ANO6: variants seen among roughly 807,000 people sequenced by gnomAD.
The protein encoded by ANO6 is anoctamin-6.
A neutral mutation model predicts 117.5 loss-of-function variants in ANO6; 106 were observed. The observed-to-expected ratio is 0.90, with a 90% CI of 0.77 to 1.06. The LOEUF (loss-of-function observed/expected upper bound fraction) is 1.06. Ranked by LOEUF, ANO6 falls within the 50% of genes least tolerant of loss-of-function variation. The pLI is 0.00. For missense variants in ANO6, 955 were observed against 1,121.1 expected, an observed-to-expected ratio of 0.85 and a Z score of 2.12; for synonymous variants, 367 against 385.1, an observed-to-expected ratio of 0.95 and a Z score of 0.55.
chr12:45,348,644 G>T lies in ANO6; in HGVS notation c.747+13G>T. The T allele has an allele frequency of 6.2e-7, 1 of 1,600,576 alleles. No homozygotes were observed. ...CCCACTCCATGATGTAAGTTAAAAG[G>T]CAAAAATGAACTAAAAGGCCTTCTG... On this transcript the variant is annotated intron_variant, in intron 6 of 19. Coordinates refer to ENST00000320560, the MANE Select transcript of ANO6 (RefSeq NM_001025356.3).
chr12:45,243,173 G>A (rs963087127), intron 1 of ANO6, among the ~76,000 whole-genome samples: 10 of 152,090 alleles, frequency 6.6e-5, no homozygotes, highest in African/African-American at 2.4e-4. Flanking sequence ...AAATAAATTA[G>A]CCAGGTGTGG....
chr12:45,408,511 C>A (rs549085570), intron 15 of ANO6, among the ~76,000 whole-genome samples: 1 of 152,192 alleles, frequency 6.6e-6, no homozygotes, highest in African/African-American at 2.4e-5. Flanking sequence ...CTCAGCGGGG[C>A]AGTATCCACG....
At chr12:45,375,668 C>G (rs916149497) in intron 9 of ANO6, among the ~76,000 whole-genome samples, 1 of 151,736 alleles carries the variant, frequency 6.6e-6, no homozygotes, top group African/African-American at 2.4e-5. Flanking sequence ...AAAGCTGAAA[C>G]TGGATCCCTT....
intron 2 of ANO6, among the ~76,000 whole-genome samples, chr12:45,329,016 C>T (rs544471307): frequency 6.6e-6 from 1 of 152,280 alleles, no homozygotes; most frequent in East Asian, 1.9e-4. Context: ...TAAATGACAA[C>T]CGTGTCAGGG....
rs1177736797 is a variant in ANO6, at chr12:45,216,207, C to A, written c.-115C>A. On this transcript the variant is annotated 5_prime_UTR_variant, in exon 1 of 20. Transcript: ENST00000320560. ...CTGGCTGGGCTCAGCGGCCCCTGAG[C>A]CCAAGCGACACACGCCCCGCGGTCC... 6 of 1,256,266 alleles carry A rather than the reference C, an allele frequency of 4.8e-6. No homozygotes were observed. Among genetic ancestry groups the A allele is most frequent in the Non-Finnish European group, 6.8e-6 (6 of 884,806 alleles). The allele number at this position is 1,256,266 out of a possible 1,614,324, so 77.8% of individuals were successfully genotyped here.
intron 1 of ANO6, among the ~76,000 whole-genome samples, chr12:45,299,454 A>G (rs1939408181): frequency 6.6e-6 from 1 of 152,198 alleles, no homozygotes; most frequent in Non-Finnish European, 1.5e-5. Flanking sequence ...TTTTCAGAAG[A>G]GTTAGAATCA....
At chr12:45,403,266 T>A in intron 14 of ANO6, 25 bp downstream of exon 14, 1 of 1,610,540 alleles carries the variant, frequency 6.2e-7, no homozygotes, top group Non-Finnish European at 8.5e-7. Flanking sequence ...TTGTATTATC[T>A]TGCCAGTTTA....
intron 15 of ANO6, 50 bp downstream of exon 15, chr12:45,403,586 GC>G (rs761499340): frequency 8.8e-6 from 13 of 1,473,070 alleles, no homozygotes; most frequent in Admixed American, 1.7e-5. Flanking sequence ...GGATAGAACA[GC>G]CCATCCACAC....
chr12:45,232,952 A>G (rs1315126295), intron 1 of ANO6, among the ~76,000 whole-genome samples: 2 of 152,188 alleles, frequency 1.3e-5, no homozygotes, highest in Non-Finnish European at 2.9e-5. Flanking sequence ...AGGAAGAAAG[A>G]GAGGGAGCAG....
chr12:45,341,958 G>T (rs150455668), intron 3 of ANO6, among the ~76,000 whole-genome samples: 1 of 152,090 alleles, frequency 6.6e-6, no homozygotes, highest in Non-Finnish European at 1.5e-5. Flanking sequence ...GCATCATGCC[G>T]AGTGCTTTAT....
At chr12:45,377,883 A>ATAAG (rs1400495926) in intron 9 of ANO6, among the ~76,000 whole-genome samples, 170 bp from the exon 10 acceptor site, 2 of 152,224 alleles carry the variant, frequency 1.3e-5, no homozygotes, top group African/African-American at 4.8e-5. Context: ...AATTTCATCT[A>ATAAG]TAAGTATGTA....
chr12:45,287,904 T>C (rs1384954895), intron 1 of ANO6, among the ~76,000 whole-genome samples: 1 of 152,216 alleles, frequency 6.6e-6, no homozygotes, highest in Non-Finnish European at 1.5e-5. Context: ...TAACCCCATA[T>C]AAGTCTTAGA....
intron 2 of ANO6, among the ~76,000 whole-genome samples, chr12:45,323,933 G>GTTTTTTTTT (rs1940370873): frequency 9.4e-6 from 1 of 106,528 alleles, no homozygotes; most frequent in Admixed American, 1.1e-4. Context: ...TGTTGTTGTT[G>GTTTTTTTTT]TATTTTTTTT....
chr12:45,220,944 C>G (rs778100404), intron 1 of ANO6, among the ~76,000 whole-genome samples: 1 of 152,128 alleles, frequency 6.6e-6, no homozygotes, highest in Admixed American at 6.5e-5. Flanking sequence ...AAATTCTGTG[C>G]GCTGCCCTGG....
At chr12:45,372,614 C>A (rs1941878018) in intron 9 of ANO6, among the ~76,000 whole-genome samples, 1 of 149,370 alleles carries the variant, frequency 6.7e-6, no homozygotes, top group African/African-American at 2.5e-5. Flanking sequence ...CCAAACTAAG[C>A]TTCATAAGTG....
intron 9 of ANO6, among the ~76,000 whole-genome samples, chr12:45,368,321 T>C (rs1941736159): frequency 6.6e-6 from 1 of 152,226 alleles, no homozygotes; most frequent in Non-Finnish European, 1.5e-5. Flanking sequence ...TGTAAGTATT[T>C]TCCTTAATTC....
downstream of ANO6, among the ~76,000 whole-genome samples, chr12:45,436,025 C>A (rs1340212124): frequency 6.6e-6 from 1 of 152,168 alleles, no homozygotes; most frequent in African/African-American, 2.4e-5. Context: ...ATAAGTCAGA[C>A]TTGTAGGAGG....
intron 1 of ANO6, among the ~76,000 whole-genome samples, chr12:45,278,266 A>C (rs1001484477): frequency 3.3e-5 from 5 of 152,072 alleles, no homozygotes; most frequent in Admixed American, 6.6e-5. Context: ...CCCCAACTCC[A>C]TTTTTTAAAG....
intron 2 of ANO6, among the ~76,000 whole-genome samples, chr12:45,330,761 T>A (rs1467072464): frequency 6.6e-6 from 1 of 152,104 alleles, no homozygotes. Context: ...CAGCTTTTGT[T>A]TATATGGGAG....
Sources: gnomAD v4.1 joint callset for allele counts (sites outside exome capture counted in the v4.1 genomes callset) on GRCh38, gnomAD v4.1.1 for gene constraint, MANE v1.5 for transcripts, NCBI Gene and HGNC (gene_info 2026-07-23, HGNC 2026-07-21) for gene names.